The following KIF6 variants were observed in gnomAD, a reference collection of about 807,000 sequenced individuals.
The protein encoded by KIF6 is kinesin-like protein KIF6.
Under a neutral mutation model 112.7 loss-of-function variants are expected in KIF6, and 106 were observed. That is an observed-to-expected ratio of 0.94 (90% CI 0.80 to 1.11). The LOEUF is 1.11. KIF6 is among the 50% of genes least tolerant of loss of function. The pLI is 0.00. For synonymous variants in KIF6, 339 were observed against 339.9 expected, an observed-to-expected ratio of 1.00 and a Z score of 0.03; for missense variants, 929 against 964.0, an observed-to-expected ratio of 0.96 and a Z score of 0.48.
At chr6:39,636,577 G>T (rs1784632959) in intron 4 of KIF6, among the ~76,000 whole-genome samples, 1 of 151,962 alleles carries the variant, frequency 6.6e-6, no homozygotes, top group Non-Finnish European at 1.5e-5. Flanking sequence ...AAGACTTGGT[G>T]TGGCTGTTAG....
At chr6:39,583,930 AT>A (rs1471671081) in intron 9 of KIF6, among the ~76,000 whole-genome samples, 1 of 151,934 alleles carries the variant, frequency 6.6e-6, no homozygotes, top group Non-Finnish European at 1.5e-5. Flanking sequence ...GAGCTAAATT[AT>A]TACCATGTAA....
At chr6:39,689,345 A>C (rs1788046816) in intron 3 of KIF6, among the ~76,000 whole-genome samples, 1 of 152,046 alleles carries the variant, frequency 6.6e-6, no homozygotes, top group Admixed American at 6.5e-5. Context: ...CAAATATGAA[A>C]ATTAGCTGAG....
chr6:39,527,288 A>T (rs1258666173), intron 13 of KIF6, among the ~76,000 whole-genome samples: 1 of 152,170 alleles, frequency 6.6e-6, no homozygotes, highest in African/African-American at 2.4e-5. Context: ...GCCTTCCTTT[A>T]TGCCATGAAG....
At chr6:39,500,392 G>C (rs1454092112) in intron 13 of KIF6, among the ~76,000 whole-genome samples, 1 of 152,172 alleles carries the variant, frequency 6.6e-6, no homozygotes, top group East Asian at 1.9e-4. Flanking sequence ...GGGAGACTAG[G>C]GGAAGGAATC....
intron 13 of KIF6, among the ~76,000 whole-genome samples, chr6:39,512,821 T>C (rs1053479476): frequency 3.3e-5 from 5 of 152,190 alleles, no homozygotes; most frequent in Non-Finnish European, 5.9e-5. Context: ...TGACTGATTA[T>C]GAGGATCTAT....
rs1281495138 is a variant in KIF6 at position 39,337,155 on chromosome 6, T to TCTTTCTTTC, written c.2429-608_2429-607insGAAAGAAAG. On this transcript the variant is annotated intron_variant, in intron 22 of 22. Coordinates refer to ENST00000287152, the MANE Select transcript of KIF6 (RefSeq NM_145027.6). ...TCCTTCCTTCCTTCCTTTCTCTTTC[T>TCTTTCTTTC]TTTCTTTCTTTCCTTCCTTCTTTCT... Among the ~76,000 whole-genome samples, 31 of 53,698 alleles carry TCTTTCTTTC rather than the reference T, an allele frequency of 5.8e-4. 2 individuals carry two copies. Among genetic ancestry groups the TCTTTCTTTC allele is most frequent in the African/African-American group, 4.1e-3 (28 of 6,792 alleles). The allele number at this position is 53,698 out of a possible 152,430, so 35.2% of individuals were successfully genotyped here.
chr6:39,339,997 T>C (rs1763234904), intron 22 of KIF6, among the ~76,000 whole-genome samples: 1 of 152,160 alleles, frequency 6.6e-6, no homozygotes, highest in African/African-American at 2.4e-5. Context: ...AGGGAGGTGT[T>C]TGCTTTGGCT....
chr6:39,446,691 T>C (rs1772348088), intron 13 of KIF6, among the ~76,000 whole-genome samples: 1 of 152,154 alleles, frequency 6.6e-6, no homozygotes, highest in African/African-American at 2.4e-5. Context: ...GGTTTCACCA[T>C]GTTGGCCAGG....
intron 11 of KIF6, 124 bp from the exon 12 acceptor site, chr6:39,544,817 G>A (rs1423476622): frequency 4.0e-6 from 2 of 501,012 alleles, no homozygotes; most frequent in Admixed American, 3.7e-5. Context: ...TGATGCAGGT[G>A]CGATGTCTTT....
intron 13 of KIF6, among the ~76,000 whole-genome samples, chr6:39,482,400 A>G (rs1382190468): frequency 6.6e-6 from 1 of 152,190 alleles, no homozygotes; most frequent in Admixed American, 6.5e-5. Flanking sequence ...AAAGAGGGCA[A>G]TATCTGTTCC....
At chr6:39,447,023 C>T (rs144466368) in intron 13 of KIF6, among the ~76,000 whole-genome samples, 1,607 of 152,176 alleles carry the variant, frequency 0.011, 21 homozygotes, top group Middle Eastern at 0.041. Flanking sequence ...AAAAACCCAC[C>T]CACAGCAATC....
At chr6:39,662,584 C>A (rs1294803574) in intron 3 of KIF6, among the ~76,000 whole-genome samples, 1 of 152,088 alleles carries the variant, frequency 6.6e-6, no homozygotes, top group Admixed American at 6.5e-5. Context: ...TTTATAGAGA[C>A]AATATCAATT....
At chr6:39,552,687 A>T (rs942079473) in intron 10 of KIF6, among the ~76,000 whole-genome samples, 21 of 152,230 alleles carry the variant, frequency 1.4e-4, no homozygotes, top group African/African-American at 4.6e-4. Flanking sequence ...TGCAAACAAC[A>T]TAGTTAATGA....
chr6:39,345,632 CTG>C, intron 21 of KIF6, 66 bp downstream of exon 21: 3 of 1,323,484 alleles, frequency 2.3e-6, no homozygotes, highest in Non-Finnish European at 3.2e-6. Flanking sequence ...GGGGAGTAGA[CTG>C]GAGATGGAGG....
In KIF6 at chr6:39,362,537, A is replaced by G. The variant is rs758713347; in HGVS notation, c.1862-19T>C. The G allele has an allele frequency of 6.4e-7, 1 of 1,562,342 alleles. No homozygotes were observed. Among genetic ancestry groups the G allele is most frequent in the South Asian group, 1.1e-5 (1 of 90,116 alleles). On this transcript the variant is annotated intron_variant, in intron 16 of 22. Transcript: ENST00000287152. ...GAGATTCCTGTAGAAGGAAGGTGCC[A>G]ATGGGATGGTGAGAAAGAAGGGTAA...
chr6:39,473,697 C>T (rs1774265647), intron 13 of KIF6, among the ~76,000 whole-genome samples: 1 of 152,096 alleles, frequency 6.6e-6, no homozygotes, highest in Non-Finnish European at 1.5e-5. Context: ...TTTTATTTAT[C>T]TGAAAAACTT....
chr6:39,443,778 T>C (rs1353988898), intron 13 of KIF6, among the ~76,000 whole-genome samples: 1 of 152,118 alleles, frequency 6.6e-6, no homozygotes, highest in Non-Finnish European at 1.5e-5. Context: ...AATTAAAGAA[T>C]TGCATTCTAG....
At chr6:39,510,719 C>T (rs911190890) in intron 13 of KIF6, among the ~76,000 whole-genome samples, 18 of 151,910 alleles carry the variant, frequency 1.2e-4, no homozygotes, top group African/African-American at 4.3e-4. Context: ...TGTAAATGGG[C>T]TAAATGCCCC....
At position 39,510,116 on chromosome 6, in the gene KIF6, T is replaced by TG. The variant is rs1776683374; in HGVS notation, c.1645+29886dup. On this transcript the variant is annotated intron_variant, in intron 13 of 22. Coordinates refer to ENST00000287152, the MANE Select transcript of KIF6 (RefSeq NM_145027.6). ...TTTCTTTTTTTTTTTTTTTTTGAGATGGAGTCTTGCACTGTCACCCAGGCT... is the reference window on the plus strand; with the variant it reads ...TTTCTTTTTTTTTTTTTTTTTGAGATGGGAGTCTTGCACTGTCACCCAGGCT... 2.0e-5 allele frequency among the ~76,000 whole-genome samples: 3 copies of TG among 146,568 alleles called. No individual in the cohort carries two copies. The South Asian group carries it at 6.5e-4, about 32-fold the overall frequency.
Sources: gnomAD v4.1 joint callset for allele counts (sites outside exome capture counted in the v4.1 genomes callset) on GRCh38, gnomAD v4.1.1 for gene constraint, MANE v1.5 for transcripts, NCBI Gene and HGNC (gene_info 2026-07-23, HGNC 2026-07-21) for gene names.